PHF20: variants seen among roughly 807,000 people sequenced by gnomAD.
The protein encoded by PHF20 is PHD finger protein 20, also known as glioma-expressed antigen 2.
Under a neutral mutation model 113.5 loss-of-function variants are expected in PHF20, and 23 were observed. The ratio of observed to expected loss-of-function variants is 0.20; its 90% confidence interval spans 0.15 to 0.29. PHF20 has a LOEUF of 0.29. Ranked by LOEUF, PHF20 falls within the 10% of genes least tolerant of loss-of-function variation. PHF20 has a pLI of 1.00. For synonymous variants in PHF20, 434 were observed against 457.3 expected (o/e 0.95, Z 0.65); for missense variants, 943 against 1,219.6 (o/e 0.77, Z 3.38).
At chr20:35,862,285 GT>G (rs1027765598) in intron 5 of PHF20, among the ~76,000 whole-genome samples, 1 of 152,162 alleles carries the variant, frequency 6.6e-6, no homozygotes, top group Non-Finnish European at 1.5e-5. Context: ...CCAGTTATCA[GT>G]TTTTGTTTTT....
chr20:35,801,121 C>A (rs2041772535), intron 1 of PHF20, among the ~76,000 whole-genome samples: 1 of 152,212 alleles, frequency 6.6e-6, no homozygotes, highest in Non-Finnish European at 1.5e-5. Flanking sequence ...AGCTGTGTCT[C>A]TTTTGGTCTT....
chr20:35,834,534 A>G (rs1293278632), intron 2 of PHF20, among the ~76,000 whole-genome samples: 3 of 152,010 alleles, frequency 2.0e-5, no homozygotes, highest in African/African-American at 4.8e-5. Flanking sequence ...TACAGGTGTG[A>G]GCCACTGCGC....
chr20:35,913,177 C>A, intron 10 of PHF20, 72 bp from the exon 11 acceptor site: 1 of 987,536 alleles, frequency 1.0e-6, no homozygotes, highest in Non-Finnish European at 1.5e-6. Context: ...GACATGCTTG[C>A]TTAGGAGAAG....
chr20:35,832,644 G>A (rs2042374367), intron 2 of PHF20, among the ~76,000 whole-genome samples: 1 of 152,158 alleles, frequency 6.6e-6, no homozygotes, highest in Non-Finnish European at 1.5e-5. Flanking sequence ...GGTAACGGGA[G>A]CATACTCGGT....
intron 17 of PHF20, 136 bp from the exon 18 acceptor site, chr20:35,947,347 CTT>C: frequency 1.3e-6 from 1 of 768,630 alleles, no homozygotes; most frequent in South Asian, 2.3e-5. Flanking sequence ...CCCTTCCTCC[CTT>C]GCCCCATGGA....
At chr20:35,809,267 G>T (rs8115150) in intron 2 of PHF20, among the ~76,000 whole-genome samples, 15,775 of 151,094 alleles carry the variant, frequency 0.1, 863 homozygotes, top group South Asian at 0.16. Flanking sequence ...AAAAAACAAA[G>T]TTTCAACTTA....
intron 2 of PHF20, among the ~76,000 whole-genome samples, chr20:35,825,880 C>T (rs1223141220): frequency 1.3e-5 from 2 of 152,018 alleles, no homozygotes; most frequent in African/African-American, 4.8e-5. Context: ...AGTGTATAAA[C>T]CCTAAATGTG....
chr20:35,859,514 G>A (rs927349778), intron 5 of PHF20, among the ~76,000 whole-genome samples: 5 of 151,472 alleles, frequency 3.3e-5, no homozygotes, highest in African/African-American at 1.2e-4. Flanking sequence ...ACAATATTTG[G>A]TGATGCTATA....
At chr20:35,894,125 A>T (rs1438161718) in intron 9 of PHF20, among the ~76,000 whole-genome samples, 2 of 152,226 alleles carry the variant, frequency 1.3e-5, no homozygotes. Flanking sequence ...TGAATTTCAC[A>T]CTTTCAGGAG....
intron 14 of PHF20, among the ~76,000 whole-genome samples, chr20:35,930,372 G>A (rs2055728602): frequency 6.6e-6 from 1 of 152,176 alleles, no homozygotes; most frequent in African/African-American, 2.4e-5. Flanking sequence ...AAACAAGACT[G>A]TGTAAGGTAG....
intron 9 of PHF20, among the ~76,000 whole-genome samples, chr20:35,880,831 A>G (rs1402729934): frequency 6.6e-6 from 1 of 151,970 alleles, no homozygotes; most frequent in East Asian, 1.9e-4. Context: ...GTGATGGCAC[A>G]TGCTTGTAGT....
rs933778024 is a variant in PHF20 at position 35,775,958 on chromosome 20, G to A, written c.-33+3879G>A. ...CTTGAGTTTCAGGGACCACTGGCAC[G>A]TGCCACCACACCTGGCTAATTTTAA... On this transcript the variant is annotated intron_variant, in intron 1 of 17. Coordinates refer to ENST00000374012, the MANE Select transcript of PHF20 (RefSeq NM_016436.5). Among the ~76,000 whole-genome samples the A allele has an allele frequency of 2.0e-5, 3 of 151,890 alleles. No homozygotes were observed. In the East Asian group the frequency reaches 5.8e-4, roughly 29 times the overall value.
intron 15 of PHF20, among the ~76,000 whole-genome samples, chr20:35,937,158 G>T (rs1446718495): frequency 6.6e-6 from 1 of 152,034 alleles, no homozygotes; most frequent in African/African-American, 2.4e-5. Context: ...ATTATCTAAA[G>T]AGTCAAGTTA....
At chr20:35,783,814 T>A (rs955273345) in intron 1 of PHF20, among the ~76,000 whole-genome samples, 13 of 151,590 alleles carry the variant, frequency 8.6e-5, no homozygotes, top group African/African-American at 3.2e-4. Flanking sequence ...AAACCCCATC[T>A]CTACTAAAAA....
At chr20:35,814,280 C>T (rs929834873) in intron 2 of PHF20, among the ~76,000 whole-genome samples, 3 of 151,628 alleles carry the variant, frequency 2.0e-5, no homozygotes, top group Admixed American at 1.3e-4. Context: ...TGCAGTGGTA[C>T]GATCTCGGCT....
chr20:35,796,913 A>G (rs950734563), intron 1 of PHF20, among the ~76,000 whole-genome samples: 5 of 152,214 alleles, frequency 3.3e-5, no homozygotes, highest in Non-Finnish European at 7.3e-5. Flanking sequence ...TACCATGGTA[A>G]CATTACATTA....
At position 35,817,919 on chromosome 20, in the gene PHF20, G is replaced by A. The variant is rs558785314; in HGVS notation, c.83+16314G>A. On this transcript the variant is annotated intron_variant, in intron 2 of 17. Coordinates refer to ENST00000374012, the MANE Select transcript of PHF20 (RefSeq NM_016436.5). ...GCCCAGGAGTTCAAGACAAGCCTGG[G>A]CAACATGACAAAACCCCATCTCTAC... Among the ~76,000 whole-genome samples, 129 of 151,726 alleles carry A rather than the reference G, an allele frequency of 8.5e-4. 1 individual carries two copies. Among genetic ancestry groups the A allele is most frequent in the Admixed American group, 3.5e-3 (53 of 15,206 alleles).
intron 15 of PHF20, among the ~76,000 whole-genome samples, chr20:35,931,903 A>T (rs1005962057): frequency 3.3e-5 from 5 of 151,688 alleles, no homozygotes; most frequent in African/African-American, 9.7e-5. Context: ...GTGAGCTGAG[A>T]TCGTGCCATT....
intron 1 of PHF20, among the ~76,000 whole-genome samples, chr20:35,774,087 C>A (rs1569110162): frequency 7.0e-6 from 1 of 143,126 alleles, no homozygotes; most frequent in Non-Finnish European, 1.5e-5. Context: ...TGTCAATCTT[C>A]TTTTTTTTTT....
Sources: allele counts gnomAD v4.1 joint callset (sites outside exome capture counted in the v4.1 genomes callset), GRCh38; gene constraint gnomAD v4.1.1; transcripts MANE v1.5; gene names NCBI Gene and HGNC (gene_info 2026-07-23, HGNC 2026-07-21).